The following GON4L variants were observed in gnomAD, a reference collection of about 807,000 sequenced individuals.
GON4L encodes the protein gon-4 like, also known as GON-4-like protein.
A neutral mutation model predicts 211.8 loss-of-function variants in GON4L; 87 were observed. The observed-to-expected ratio is 0.41, with a 90% CI of 0.35 to 0.49. GON4L has a LOEUF of 0.49. GON4L is among the 20% of genes least tolerant of loss of function. GON4L has a pLI of 0.15. For missense variants in GON4L, 2,155 were observed against 2,659.5 expected (o/e 0.81, Z 4.17); for synonymous variants, 875 against 962.6 (o/e 0.91, Z 1.68).
Position 155,763,384 on chromosome 1 carries a change from A to T in GON4L, c.4654T>A (p.Ser1552Thr). Residue 1552 changes from serine (S) to threonine (T), a missense_variant, in exon 22 of 32, where the codon TCT (serine) becomes ACT (threonine). Ser to Thr is a moderately conservative substitution (Grantham distance 58). Coordinates refer to ENST00000368331, the MANE Select transcript of GON4L (RefSeq NM_001282860.2). ...DEMTDEAVGD[S>T]AEKPPTFASP... ...GCAAAAGTAGGAGGCTTCTCAGCAG[A>T]GTCTCCAACTGCTTCATCCGTCATT... The T allele has an allele frequency of 6.2e-7, 1 of 1,611,826 alleles. No homozygotes were observed. Among genetic ancestry groups the T allele is most frequent in the Non-Finnish European group, 8.5e-7 (1 of 1,178,914 alleles).
Position 155,770,924 on chromosome 1 carries a change from G to T in GON4L, c.2646+143C>A, listed in dbSNP as rs138335215. 1,003 of 1,179,568 alleles carry T rather than the reference G, an allele frequency of 8.5e-4. 9 individuals carry two copies. The African/African-American group carries it at 0.013, about 16-fold the overall frequency. 73.1% of individuals were successfully genotyped at this position (1,179,568 alleles called of 1,614,324 possible). A position where few individuals can be genotyped will look rare whatever the true frequency, so the allele number is the denominator to read the frequency against. On this transcript the variant is annotated intron_variant, in intron 19 of 31. Coordinates refer to ENST00000368331, the MANE Select transcript of GON4L (RefSeq NM_001282860.2). The stretch of plus-strand genomic sequence containing the variant: ...CTGCCAGCGGAATATTGCCCAAAAG[G>T]CAATAGGGGAATTAATCTAGTGTAA...
Position 155,766,727 on chromosome 1 carries a change from A to G in GON4L, c.2764-18T>C. ...AGACTGGCCTATTGGAAACAAGAAC[A>G]CTCTGATCCAGCATATGTCAGAATT... On this transcript the variant is annotated intron_variant, in intron 20 of 31. Coordinates refer to ENST00000368331, the MANE Select transcript of GON4L (RefSeq NM_001282860.2). 2 of 1,613,740 alleles carry G rather than the reference A, an allele frequency of 1.2e-6. No homozygotes were observed. The highest frequency in any genetic ancestry group is 1.1e-5 in the South Asian group (1 of 91,064).
chr1:155,816,044 G>T, intron 7 of GON4L, 144 bp from the exon 8 acceptor site: 1 of 711,142 alleles, frequency 1.4e-6, no homozygotes, highest in Non-Finnish European at 2.5e-6. Context: ...CGAGGCAGAG[G>T]TTAAAGTGAA....
chr1:155,854,164 G>A (rs1383718165), intron 1 of GON4L, among the ~76,000 whole-genome samples: 1 of 151,930 alleles, frequency 6.6e-6, no homozygotes, highest in Non-Finnish European at 1.5e-5. Context: ...TTTTGTTTTT[G>A]TTTTTGAGAC....
At chr1:155,759,876 T>TA (rs1661591475) in intron 24 of GON4L, among the ~76,000 whole-genome samples, 1 of 150,470 alleles carries the variant, frequency 6.6e-6, no homozygotes. Flanking sequence ...TTTCCTGCTT[T>TA]ATTTTTCTGT....
chr1:155,777,816 C>A lies in GON4L; in HGVS notation c.1897G>T (p.Glu633Ter). ...NFNTPQALRF[E>*]EPLANLLNEQ... ...TTTAACAGGTTGGCCAGTGGTTCCT[C>A]AAACCTATTCCCAACAGGGAGATGA... is the stretch of plus-strand genomic sequence containing the variant. The change falls in exon 15 of 32, where the codon GAG becomes TAG. Residue 633 changes from glutamate to a stop codon, truncating the protein, a stop_gained. Transcript: ENST00000368331. LOFTEE classifies it high-confidence loss of function. The A allele has an allele frequency of 6.2e-7, 1 of 1,604,090 alleles. No homozygotes were observed. The highest frequency in any genetic ancestry group is 8.5e-7 in the Non-Finnish European group (1 of 1,171,348).
chr1:155,793,964 C>T (rs2101984750), intron 12 of GON4L, among the ~76,000 whole-genome samples: 1 of 152,164 alleles, frequency 6.6e-6, no homozygotes, highest in South Asian at 2.1e-4. Context: ...TAATTGTTTT[C>T]CATACCTCCA....
chr1:155,764,623 T>C (rs972536612), intron 21 of GON4L: 2 of 465,326 alleles, frequency 4.3e-6, no homozygotes, highest in East Asian at 4.2e-5. Context: ...TTATTTTTAA[T>C]ATAGATGGGG....
rs369325100 is a variant in GON4L at position 155,829,602 on chromosome 1, C to G, written c.506-2574G>C. Among the ~76,000 whole-genome samples, 45 of 152,122 alleles carry G rather than the reference C, an allele frequency of 3.0e-4. No individual in the cohort carries two copies. In the South Asian group the frequency reaches 4.8e-3, roughly 16 times the overall value. ...CTGCATTCCAGCCTGGGCGACAGAG[C>G]GAGGCACTGTCTCCAAAAAATAAAC... On this transcript the variant is annotated intron_variant, in intron 2 of 31. Transcript: ENST00000368331.
rs773381402 is a variant in GON4L at position 155,766,154 on chromosome 1, G to A, written c.3319C>T (p.Pro1107Ser). 29 of 1,614,088 alleles carry A rather than the reference G, an allele frequency of 1.8e-5. No individual in the cohort carries two copies. Among genetic ancestry groups the A allele is most frequent in the East Asian group, 1.1e-4 (5 of 44,872 alleles). Residue 1107 changes from proline to serine, a missense_variant, in exon 21 of 32, where the codon CCT becomes TCT. Physicochemically the swap from Pro to Ser is moderately conservative, Grantham distance 74. Transcript: ENST00000368331. ...ACATATGGCTTTCGAAACTTAGAAGGGGCAAGGGAGGGCAGCATTACCTTG... is the reference window on the plus strand; with the variant it reads ...ACATATGGCTTTCGAAACTTAGAAGAGGCAAGGGAGGGCAGCATTACCTTG... Reference protein sequence around the residue: ...VPKVMLPSLAPSKFRKPYVRR... With the variant: ...VPKVMLPSLASSKFRKPYVRR...
chr1:155,819,410 A>G (rs1352866878), intron 6 of GON4L, among the ~76,000 whole-genome samples: 6 of 152,156 alleles, frequency 3.9e-5, no homozygotes, highest in Non-Finnish European at 7.4e-5. Context: ...AGAATACACC[A>G]ATTCCTTTTC....
At chr1:155,749,557 C>G, downstream of GON4L, 1 of 1,418,478 alleles carries the variant, frequency 7.0e-7, no homozygotes, top group Non-Finnish European at 9.6e-7. Context: ...TGCAGGGTGG[C>G]TCCTCCTTAC....
chr1:155,792,265 T>A (rs1200871218), intron 12 of GON4L, among the ~76,000 whole-genome samples: 2 of 152,124 alleles, frequency 1.3e-5, no homozygotes, highest in Non-Finnish European at 2.9e-5. Flanking sequence ...TAGTTATCCA[T>A]ATAAGGATAA....
In GON4L at chr1:155,828,877, C is replaced by T. The variant is rs1201930151; in HGVS notation, c.506-1849G>A. 4.7e-5 allele frequency among the ~76,000 whole-genome samples: 7 copies of T among 147,818 alleles called. 1 individual carries two copies. Among genetic ancestry groups the T allele is most frequent in the Admixed American group, 4.7e-4 (7 of 14,828 alleles). On this transcript the variant is annotated intron_variant, in intron 2 of 31. Transcript: ENST00000368331. ...ATCAAGGAAATAGCTTGCATATATA[C>T]AGAAAATCCCTGGACTATACACAAA... is the stretch of plus-strand genomic sequence containing the variant.
intron 17 of GON4L, among the ~76,000 whole-genome samples, chr1:155,774,098 G>GAATTACTT (rs991475390): frequency 2.6e-5 from 4 of 152,180 alleles, no homozygotes; most frequent in Admixed American, 2.6e-4. Context: ...AAACAAATCA[G>GAATTACTT]AAGCAAATAT....
chr1:155,763,554 T>C lies in GON4L; in HGVS notation c.4484A>G (p.Glu1495Gly). Residue 1495 changes from glutamate (E) to glycine (G), a missense_variant, in exon 22 of 32, where the codon GAG (glutamate) becomes GGG (glycine). By Grantham distance (98) the Glu-to-Gly change is moderately conservative. Around this residue, in one of 6 missense-constraint regions of GON4L, gnomAD observed 35 missense variants for 73.9 expected, o/e 0.47. Coordinates refer to ENST00000368331, the MANE Select transcript of GON4L (RefSeq NM_001282860.2). Reference sequence around the variant, plus strand: ...TTCAGATGCCAGCCAAGTCAGTTTCTCCATTGTTTCCTGTAAAACCCTCCA... The same window carrying C: ...TTCAGATGCCAGCCAAGTCAGTTTCCCCATTGTTTCCTGTAAAACCCTCCA... ...LSVPELQETMEKLTWLASERR... is the reference protein window; with the variant it reads ...LSVPELQETMGKLTWLASERR... The C allele has an allele frequency of 6.5e-7, 1 of 1,545,090 alleles. No homozygotes were observed. The highest frequency in any genetic ancestry group is 1.4e-5 in the African/African-American group (1 of 72,954).
At chr1:155,856,389 C>CA (rs1672283613) in intron 1 of GON4L, among the ~76,000 whole-genome samples, 1 of 151,444 alleles carries the variant, frequency 6.6e-6, no homozygotes, top group Non-Finnish European at 1.5e-5. Flanking sequence ...CCACCACCCT[C>CA]AACGACTTTT....
chr1:155,822,495 C>T lies in GON4L; in HGVS notation c.698-19G>A, dbSNP rs200229693. The T allele has an allele frequency of 1.3e-6, 2 of 1,597,126 alleles. No homozygotes were observed. Among genetic ancestry groups the T allele is most frequent in the Non-Finnish European group, 1.7e-6 (2 of 1,166,842 alleles). On this transcript the variant is annotated intron_variant, in intron 3 of 31. Transcript: ENST00000368331. ...TGTTCTTCTGCAAATAAACCAAGAA[C>T]ATCATCAGAATTCCAAAATAGCTGC...
chr1:155,840,619 G>A (rs1180763947), intron 2 of GON4L, among the ~76,000 whole-genome samples: 1 of 152,150 alleles, frequency 6.6e-6, no homozygotes, highest in Non-Finnish European at 1.5e-5. Flanking sequence ...TTGAGTTACA[G>A]GGCTTTGACT....
Sources: gnomAD v4.1 joint callset for allele counts (sites outside exome capture counted in the v4.1 genomes callset) on GRCh38, gnomAD v4.1.1 for gene constraint, gnomAD v4.1.1 regional missense constraint, MANE v1.5 for transcripts, NCBI Gene and HGNC (gene_info 2026-07-23, HGNC 2026-07-21) for gene names.